MATCAP1: variants seen among roughly 807,000 people sequenced by gnomAD.
MATCAP1 encodes the protein microtubule-associated tyrosine carboxypeptidase 1.
At chr16:67,180,263 T>C in the MATCAP1 span, 1 of 1,612,920 alleles carries the variant, frequency 6.2e-7, no homozygotes, top group South Asian at 1.1e-5. Context: ...GCAGGGAGGC[T>C]GCAGGCCGCA....
chr16:67,180,137 G>A, the MATCAP1 span: 1 of 1,614,208 alleles, frequency 6.2e-7, no homozygotes, highest in South Asian at 1.1e-5. Flanking sequence ...AGGTGTAATG[G>A]GACTGGAAGA....
At chr16:67,179,556 C>T in the MATCAP1 span, 2 of 1,612,598 alleles carry the variant, frequency 1.2e-6, no homozygotes, top group Non-Finnish European at 1.7e-6. The surrounding 1 kb of genome is among the most constrained non-coding windows in gnomAD (Gnocchi z 5.2). Context: ...CTCAGCTGCA[C>T]CACAACCTGC....
At chr16:67,180,661 C>CCCCAGAGGTCGACAGTGTG in the MATCAP1 span, 1 of 1,364,376 alleles carries the variant, frequency 7.3e-7, no homozygotes, top group Non-Finnish European at 9.9e-7. Context: ...CCCACACTGT[C>CCCCAGAGGTCGACAGTGTG]GACCTCTGGG....
At chr16:67,183,420 C>T in the MATCAP1 span, 1 of 152,194 alleles carries the variant, frequency 6.6e-6, no homozygotes, top group African/African-American at 2.4e-5. Flanking sequence ...GTCTAGTGTC[C>T]CACTGCTTCG....
At chr16:67,179,916 A>G in the MATCAP1 span, 2 of 1,614,228 alleles carry the variant, frequency 1.2e-6, no homozygotes, top group Non-Finnish European at 1.7e-6. This position sits in a 1 kb window ranked among gnomAD's most constrained non-coding sequence, Gnocchi z 5.2. Flanking sequence ...AAGTGTTCAT[A>G]GGTTCCAAAC....
the MATCAP1 span, chr16:67,180,616 C>T: frequency 6.6e-7 from 1 of 1,507,836 alleles, no homozygotes; most frequent in African/African-American, 1.4e-5. Flanking sequence ...ACCATTCTGT[C>T]CTGGGGGTCA....
At chr16:67,177,109 TACA>T in the MATCAP1 span, 44 of 670,602 alleles carry the variant, frequency 6.6e-5, no homozygotes, top group African/African-American at 5.2e-4. Context: ...CACAATTAGC[TACA>T]ACGTTTTATA....
chr16:67,180,162 C>T, the MATCAP1 span: 234 of 1,614,094 alleles, frequency 1.4e-4, 1 homozygote, highest in Non-Finnish European at 1.8e-4. Flanking sequence ...GTCTCGCTCA[C>T]GGTCCATGTT....
At chr16:67,183,917 C>G in the MATCAP1 span, 1 of 199,152 alleles carries the variant, frequency 5.0e-6, no homozygotes, top group South Asian at 7.0e-5. Context: ...CTCTGCTACA[C>G]CGGCCACCGG....
chr16:67,181,090 C>T, the MATCAP1 span, among the ~76,000 whole-genome samples: 1 of 152,244 alleles, frequency 6.6e-6, no homozygotes, highest in South Asian at 2.1e-4. Flanking sequence ...GCCTGAGCTC[C>T]TGAAGGCAAG....
chr16:67,179,559 C>A, the MATCAP1 span: 1 of 1,612,244 alleles, frequency 6.2e-7, no homozygotes, highest in South Asian at 1.1e-5. The surrounding 1 kb of genome is among the most constrained non-coding windows in gnomAD (Gnocchi z 5.2). Flanking sequence ...AGCTGCACCA[C>A]AACCTGCAGG....
the MATCAP1 span, chr16:67,176,802 C>G: frequency 6.4e-7 from 1 of 1,572,628 alleles, no homozygotes; most frequent in Non-Finnish European, 8.6e-7. This position sits in a 1 kb window ranked among gnomAD's most constrained non-coding sequence, Gnocchi z 4.3. Flanking sequence ...CTGCAGCCCT[C>G]AACGGACATC....
the MATCAP1 span, chr16:67,180,629 T>C: frequency 6.7e-7 from 1 of 1,492,282 alleles, no homozygotes; most frequent in Non-Finnish European, 9.0e-7. Flanking sequence ...GGGGGTCACA[T>C]CCAGCCGGGT....
the MATCAP1 span, chr16:67,179,638 G>GGTGGCAGTGCTCTGAGCCATGGCCAC: frequency 6.7e-7 from 1 of 1,503,014 alleles, no homozygotes; most frequent in Non-Finnish European, 9.2e-7. The surrounding 1 kb of genome is among the most constrained non-coding windows in gnomAD (Gnocchi z 5.2). Flanking sequence ...ATGCCACAGG[G>GGTGGCAGTGCTCTGAGCCATGGCCAC]CAGCGAGGCC....
At chr16:67,183,196 C>T in the MATCAP1 span, 2 of 152,156 alleles carry the variant, frequency 1.3e-5, no homozygotes, top group Non-Finnish European at 2.9e-5. Flanking sequence ...TTTTGGACTC[C>T]TCACCCCTTT....
the MATCAP1 span, chr16:67,180,054 T>G: frequency 1.2e-5 from 19 of 1,613,912 alleles, no homozygotes; most frequent in Non-Finnish European, 1.5e-5. Flanking sequence ...ATGGATGAAC[T>G]GTCCAGAGGC....
chr16:67,178,201 G>A, the MATCAP1 span: 2 of 1,534,396 alleles, frequency 1.3e-6, no homozygotes. Context: ...GCGCACACCT[G>A]GCAGCGAGGT....
the MATCAP1 span, among the ~76,000 whole-genome samples, chr16:67,180,918 G>A: frequency 6.6e-6 from 1 of 152,214 alleles, no homozygotes; most frequent in Non-Finnish European, 1.5e-5. Context: ...GTGGAGTGCA[G>A]TGCAATGATC....
chr16:67,183,950 C>G, the MATCAP1 span: 1 of 193,282 alleles, frequency 5.2e-6, no homozygotes, highest in South Asian at 7.9e-5. Context: ...CGGGAGCCGT[C>G]GCCGATGACG....
Sources: gnomAD v4.1 joint callset for allele counts (sites outside exome capture counted in the v4.1 genomes callset) on GRCh38, gnomAD v4.1.1 for gene constraint, Gnocchi (gnomAD v3.1) non-coding constraint, MANE v1.5 for transcripts, NCBI Gene and HGNC (gene_info 2026-07-23, HGNC 2026-07-21) for gene names.